The following VEPH1 variants were observed in gnomAD, a reference collection of about 807,000 sequenced individuals.
VEPH1 encodes ventricular zone expressed PH domain containing 1, also known as ventricular zone-expressed PH domain-containing protein homolog 1.
Under a neutral mutation model 85.2 loss-of-function variants are expected in VEPH1, and 80 were observed. The observed-to-expected ratio is 0.94, with a 90% confidence interval of 0.78 to 1.13. The LOEUF is 1.13. Among genes scored for constraint, VEPH1 ranks in the 50% most tolerant of loss-of-function variants. VEPH1 has a pLI of 0.00. For missense variants in VEPH1, 955 were observed against 980.5 expected (o/e 0.97, Z 0.35); for synonymous variants, 297 against 348.0 (o/e 0.85, Z 1.63).
intron 7 of VEPH1, among the ~76,000 whole-genome samples, chr3:157,379,545 G>C (rs73018263): frequency 0.067 from 10,242 of 152,122 alleles, 511 homozygotes; most frequent in South Asian, 0.19. Context: ...TGTGACTCTT[G>C]ATGGTAAGGA....
At chr3:157,313,925 T>C (rs751960322) in intron 10 of VEPH1, among the ~76,000 whole-genome samples, 170 bp from the exon 11 acceptor site, 1 of 152,078 alleles carries the variant, frequency 6.6e-6, no homozygotes, top group Non-Finnish European at 1.5e-5. Context: ...GGGTTGGGCA[T>C]GATGAATGAG....
intron 6 of VEPH1, among the ~76,000 whole-genome samples, chr3:157,412,240 C>G (rs187360337): frequency 6.6e-6 from 1 of 152,150 alleles, no homozygotes; most frequent in South Asian, 2.1e-4. Context: ...CAGGTATTTC[C>G]TTATAACAGT....
intron 6 of VEPH1, among the ~76,000 whole-genome samples, chr3:157,404,735 T>C (rs529957004): frequency 2.0e-5 from 3 of 152,310 alleles, no homozygotes; most frequent in African/African-American, 7.2e-5. Context: ...CTTAGCAGAA[T>C]GGCTTGTGAA....
At chr3:157,476,474 T>C (rs1199561342) in intron 2 of VEPH1, among the ~76,000 whole-genome samples, 1 of 152,146 alleles carries the variant, frequency 6.6e-6, no homozygotes, top group Admixed American at 6.6e-5. Context: ...TGTACAGCAG[T>C]AGGCACATAA....
At chr3:157,340,055 G>T (rs1398459745) in intron 9 of VEPH1, among the ~76,000 whole-genome samples, 1 of 152,164 alleles carries the variant, frequency 6.6e-6, no homozygotes, top group African/African-American at 2.4e-5. Flanking sequence ...ATCCAAGATG[G>T]CCAAATAGGA....
intron 6 of VEPH1, among the ~76,000 whole-genome samples, chr3:157,391,262 C>G (rs772300636): frequency 2.6e-5 from 4 of 152,166 alleles, no homozygotes; most frequent in Non-Finnish European, 4.4e-5. Flanking sequence ...TTCCAGCTGC[C>G]AAAGCAGCAC....
At chr3:157,402,861 T>TGGTTAA (rs1239655824) in intron 6 of VEPH1, among the ~76,000 whole-genome samples, 1 of 152,196 alleles carries the variant, frequency 6.6e-6, no homozygotes, top group Non-Finnish European at 1.5e-5. Flanking sequence ...AGCAACCATC[T>TGGTTAA]GGTTAATATT....
intron 4 of VEPH1, among the ~76,000 whole-genome samples, chr3:157,446,201 TA>T (rs990024986): frequency 3.3e-5 from 5 of 151,518 alleles, no homozygotes; most frequent in African/African-American, 1.2e-4. Context: ...TACATATAAA[TA>T]ATATTATTTG....
At chr3:157,308,256 A>G (rs1719732561) in intron 11 of VEPH1, among the ~76,000 whole-genome samples, 1 of 151,948 alleles carries the variant, frequency 6.6e-6, no homozygotes, top group Non-Finnish European at 1.5e-5. Flanking sequence ...GTAAAATGCT[A>G]AATTTTGAAG....
intron 11 of VEPH1, among the ~76,000 whole-genome samples, chr3:157,300,343 T>A (rs554136908): frequency 1.5e-4 from 23 of 152,316 alleles, no homozygotes; most frequent in Admixed American, 5.2e-4. Flanking sequence ...TTCCTTTTTT[T>A]AAAAAATTTC....
chr3:157,302,080 T>C (rs1407350259), intron 11 of VEPH1, among the ~76,000 whole-genome samples: 8 of 148,086 alleles, frequency 5.4e-5, no homozygotes, highest in African/African-American at 2.1e-4. Context: ...GCCAGAAACT[T>C]GACATCAGCT....
intron 6 of VEPH1, among the ~76,000 whole-genome samples, chr3:157,384,891 G>A (rs1192606461): frequency 1.3e-5 from 2 of 152,164 alleles, no homozygotes; most frequent in African/African-American, 4.8e-5. Context: ...CCTGCTTTCA[G>A]TCACCCCATT....
chr3:157,443,857 T>A (rs1460859650), intron 4 of VEPH1, among the ~76,000 whole-genome samples: 1 of 152,214 alleles, frequency 6.6e-6, no homozygotes, highest in East Asian at 1.9e-4. Flanking sequence ...TAAGAATCTC[T>A]AGGACTCTTC....
At chr3:157,347,830 G>A (rs1464102240) in intron 9 of VEPH1, among the ~76,000 whole-genome samples, 2 of 152,218 alleles carry the variant, frequency 1.3e-5, no homozygotes, top group Non-Finnish European at 2.9e-5. Context: ...AGCCCAGTTT[G>A]TAGAACTGCC....
At chr3:157,490,883 CA>C (rs148329675) in intron 2 of VEPH1, among the ~76,000 whole-genome samples, 1 of 151,354 alleles carries the variant, frequency 6.6e-6, no homozygotes, top group Non-Finnish European at 1.5e-5. Flanking sequence ...AAATATAAAC[CA>C]AAAAAAGAAT....
chr3:157,418,539 C>G lies in VEPH1; in HGVS notation c.697-4449G>C, dbSNP rs114123561. On this transcript the variant is annotated intron_variant, in intron 5 of 13. Transcript: ENST00000362010. Reference sequence around the variant, plus strand: ...CACTAGCATTCCTATATAACAACAGCAGGGAAGCAAAGAGCCAAATCATGA... The same window carrying G: ...CACTAGCATTCCTATATAACAACAGGAGGGAAGCAAAGAGCCAAATCATGA... Among the ~76,000 whole-genome samples the G allele has an allele frequency of 8.9e-3, 1,349 of 152,220 alleles. 19 individuals are homozygous for G. The highest frequency in any genetic ancestry group is 0.03 in the African/African-American group (1,264 of 41,550).
chr3:157,378,637 C>T (rs2108851705), intron 7 of VEPH1, among the ~76,000 whole-genome samples: 1 of 152,120 alleles, frequency 6.6e-6, no homozygotes, highest in Admixed American at 6.5e-5. Flanking sequence ...CTCAATCAAA[C>T]TCATTGTGTT....
At chr3:157,359,854 TG>T (rs1725849011) in intron 9 of VEPH1, among the ~76,000 whole-genome samples, 1 of 152,224 alleles carries the variant, frequency 6.6e-6, no homozygotes, top group South Asian at 2.1e-4. Flanking sequence ...TTTCAAAGGT[TG>T]TTTTGTCGTG....
intron 5 of VEPH1, among the ~76,000 whole-genome samples, chr3:157,418,281 T>C (rs1028931876): frequency 6.6e-6 from 1 of 152,258 alleles, no homozygotes; most frequent in East Asian, 1.9e-4. Flanking sequence ...TTTTCCTGAA[T>C]AGAGTTAGTC....
Sources: gnomAD v4.1 joint callset for allele counts (sites outside exome capture counted in the v4.1 genomes callset) on GRCh38, gnomAD v4.1.1 for gene constraint, MANE v1.5 for transcripts, NCBI Gene and HGNC (gene_info 2026-07-23, HGNC 2026-07-21) for gene names.